The following ADGRA2 variants were observed in gnomAD, a reference collection of about 807,000 sequenced individuals.
The protein encoded by ADGRA2 is adhesion G protein-coupled receptor A2, also known as G-protein coupled receptor 124.
A neutral mutation model predicts 98.7 loss-of-function variants in ADGRA2; 61 were observed. That is an observed-to-expected ratio of 0.62 (90% CI 0.50 to 0.76). ADGRA2 has a LOEUF of 0.76. ADGRA2 is among the 30% of genes least tolerant of loss of function. The probability of loss-of-function intolerance (pLI) is 0.00; values close to 1 mark genes in which losing one functional copy is unlikely to be tolerated. For missense variants in ADGRA2, 1,712 were observed against 1,860.0 expected (o/e 0.92, Z 1.46); for synonymous variants, 858 against 831.5 (o/e 1.03, Z -0.55).
chr8:37,823,693 G>T (rs889446250), intron 2 of ADGRA2, among the ~76,000 whole-genome samples: 4 of 152,186 alleles, frequency 2.6e-5, no homozygotes, highest in East Asian at 1.9e-4. Context: ...ATGTGTAAGG[G>T]TTCCAGTTCT....
intron 1 of ADGRA2, among the ~76,000 whole-genome samples, chr8:37,806,999 G>C (rs897859546): frequency 6.6e-6 from 1 of 152,248 alleles, no homozygotes; most frequent in Non-Finnish European, 1.5e-5. Flanking sequence ...AGAAGGCAGG[G>C]TGGAGCAGGA....
intron 13 of ADGRA2, 126 bp downstream of exon 13, chr8:37,835,896 GTC>G (rs1805597505): frequency 4.6e-6 from 3 of 653,600 alleles, no homozygotes; most frequent in Middle Eastern, 4.2e-4. Flanking sequence ...AGGATGTTGG[GTC>G]TCTCACCTTT....
At chr8:37,823,586 G>C (rs1805186249) in intron 2 of ADGRA2, among the ~76,000 whole-genome samples, 1 of 152,112 alleles carries the variant, frequency 6.6e-6, no homozygotes, top group South Asian at 2.1e-4. Context: ...ATTTCTCTTG[G>C]ATATATACCT....
intron 2 of ADGRA2, among the ~76,000 whole-genome samples, chr8:37,828,640 A>ATTTT: frequency 7.4e-6 from 1 of 134,776 alleles, no homozygotes; most frequent in Admixed American, 7.4e-5. Context: ...CACCTGGCTA[A>ATTTT]TTTTTTTTTT....
At chr8:37,835,802 G>T (rs1221865010) in intron 13 of ADGRA2, 32 bp downstream of exon 13, 3 of 1,415,168 alleles carry the variant, frequency 2.1e-6, no homozygotes, top group East Asian at 2.3e-5. Context: ...CCCGCCCAGG[G>T]TGCCTCTCGT....
In ADGRA2 at chr8:37,841,971, G is replaced by A; in HGVS notation, c.3633G>A (p.Ala1211=). 2 of 1,501,274 alleles carry A rather than the reference G, an allele frequency of 1.3e-6. No individual in the cohort carries two copies. Among genetic ancestry groups the A allele is most frequent in the Non-Finnish European group, 1.8e-6 (2 of 1,133,904 alleles). 93.0% of individuals were successfully genotyped at this position (1,501,274 alleles called of 1,614,324 possible). A position where few individuals can be genotyped will look rare whatever the true frequency, so the allele number is the denominator to read the frequency against. The change falls in exon 19 of 19, where the codon GCG becomes GCA. Residue 1211 remains alanine, a synonymous_variant. Transcript: ENST00000412232. This position sits in a 1 kb window ranked among gnomAD's most constrained non-coding sequence, Gnocchi z 5.0. The stretch of plus-strand genomic sequence containing the variant: ...CCCTGCGCGGGGGCGCGGCGGGGGC[G>A]CTGGAGCTGCTGTCCAGCGAGAGCG... ...LKALRGGAAG[A]LELLSSESGS...
At position 37,833,014 on chromosome 8, in the gene ADGRA2, C is replaced by A. The variant is rs1387770557; in HGVS notation, c.1102C>A (p.Pro368Thr). 1 of 1,611,394 alleles carries A rather than the reference C, an allele frequency of 6.2e-7. No homozygotes were observed. The highest frequency in any genetic ancestry group is 8.5e-7 in the Non-Finnish European group (1 of 1,178,940). Reference sequence around the variant, plus strand: ...ACTTCCTGCCTCTCCCCCCAGGTGGCCCCGAACTCTGGCTGGCATCACAGC... The same window carrying A: ...ACTTCCTGCCTCTCCCCCCAGGTGGACCCGAACTCTGGCTGGCATCACAGC... Reference protein sequence around the residue: ...VANNRGDFRWPRTLAGITAYQ... With the variant: ...VANNRGDFRWTRTLAGITAYQ... Residue 368 changes from proline to threonine, a missense_variant, in exon 9 of 19, where the codon CCC becomes ACC. Physicochemically the swap from Pro to Thr is conservative, Grantham distance 38 (BLOSUM62 -1). Coordinates refer to ENST00000412232, the MANE Select transcript of ADGRA2 (RefSeq NM_032777.10).
At chr8:37,823,436 A>C (rs1805183362) in intron 2 of ADGRA2, among the ~76,000 whole-genome samples, 1 of 152,054 alleles carries the variant, frequency 6.6e-6, no homozygotes, top group Non-Finnish European at 1.5e-5. Context: ...CCTGGTCTCA[A>C]GTGAGCCTCC....
chr8:37,798,727 A>G (rs1290425718), intron 1 of ADGRA2, among the ~76,000 whole-genome samples: 1 of 152,178 alleles, frequency 6.6e-6, no homozygotes, highest in Non-Finnish European at 1.5e-5. Context: ...CAATACAGTA[A>G]CGCCTCTGGT....
At chr8:37,836,346 G>A (rs1322752254) in intron 13 of ADGRA2, among the ~76,000 whole-genome samples, 1 of 152,108 alleles carries the variant, frequency 6.6e-6, no homozygotes, top group Middle Eastern at 3.2e-3. Context: ...GGCGGAGGTG[G>A]GACTGACACA....
intron 8 of ADGRA2, among the ~76,000 whole-genome samples, chr8:37,832,388 G>A (rs1805484715): frequency 6.6e-6 from 1 of 152,104 alleles, no homozygotes; most frequent in South Asian, 2.1e-4. Flanking sequence ...CCAGGCTCCA[G>A]TGCAGTGGCA....
At chr8:37,801,782 G>A (rs1191700717) in intron 1 of ADGRA2, among the ~76,000 whole-genome samples, 1 of 152,182 alleles carries the variant, frequency 6.6e-6, no homozygotes. Context: ...GGCTGGCGCC[G>A]GGATGGGCAT....
intron 7 of ADGRA2, among the ~76,000 whole-genome samples, 156 bp from the exon 8 acceptor site, chr8:37,831,267 A>G (rs774702556): frequency 6.6e-6 from 1 of 152,226 alleles, no homozygotes; most frequent in Non-Finnish European, 1.5e-5. Flanking sequence ...AAACAGTATC[A>G]TAAGGCCAAT....
rs185811075 is a variant in ADGRA2, at chr8:37,823,054, G to A, written c.339-5834G>A. Among the ~76,000 whole-genome samples the A allele has an allele frequency of 2.0e-4, 30 of 151,920 alleles. No homozygotes were observed. The East Asian group carries it at 4.6e-3, about 24-fold the overall frequency. On this transcript the variant is annotated intron_variant, in intron 2 of 18. Transcript: ENST00000412232. Reference sequence around the variant, plus strand: ...TTACAGGCGCGCACTACCACACCCGGCTAATTTTTGTATTTTTAAGTAGTG... The same window carrying A: ...TTACAGGCGCGCACTACCACACCCGACTAATTTTTGTATTTTTAAGTAGTG...
At chr8:37,821,706 T>C (rs1563343831) in intron 2 of ADGRA2, among the ~76,000 whole-genome samples, 1 of 152,078 alleles carries the variant, frequency 6.6e-6, no homozygotes, top group African/African-American at 2.4e-5. Context: ...CGTGCACGGC[T>C]AAAGGAAAGA....
At chr8:37,799,331 C>T (rs543572795) in intron 1 of ADGRA2, among the ~76,000 whole-genome samples, 14 of 150,330 alleles carry the variant, frequency 9.3e-5, no homozygotes, top group African/African-American at 3.0e-4. Context: ...GCCGCGATCA[C>T]GCCATTGCAC....
chr8:37,837,336 C>T (rs1231661011), intron 13 of ADGRA2, among the ~76,000 whole-genome samples: 1 of 152,094 alleles, frequency 6.6e-6, no homozygotes, highest in African/African-American at 2.4e-5. Context: ...AACGCCTCCT[C>T]CTAGTCCTCT....
chr8:37,799,825 C>T (rs769729954), intron 1 of ADGRA2, among the ~76,000 whole-genome samples: 13 of 152,180 alleles, frequency 8.5e-5, no homozygotes, highest in Non-Finnish European at 1.3e-4. Context: ...GGAGAGCCCA[C>T]GGGTCCTTCA....
intron 3 of ADGRA2, 130 bp from the exon 4 acceptor site, chr8:37,829,131 T>C: frequency 1.2e-6 from 1 of 836,334 alleles, no homozygotes; most frequent in East Asian, 2.6e-5. Flanking sequence ...AGCTGCGGCC[T>C]GGCCCCAACC....
Sources: gnomAD v4.1 joint callset for allele counts (sites outside exome capture counted in the v4.1 genomes callset) on GRCh38, gnomAD v4.1.1 for gene constraint, Gnocchi (gnomAD v3.1) non-coding constraint, MANE v1.5 for transcripts, NCBI Gene and HGNC (gene_info 2026-07-23, HGNC 2026-07-21) for gene names.